EPHB1: variants seen among roughly 807,000 people sequenced by gnomAD.
EPHB1 encodes the protein ephrin type-B receptor 1.
EPHB1 carries 30 observed loss-of-function variants against 94.4 expected under a neutral mutation model. That is an observed-to-expected ratio of 0.32 (90% CI 0.24 to 0.43). The LOEUF (loss-of-function observed/expected upper bound fraction) is 0.43, where lower values mean the gene tolerates loss of function less well. Among genes scored for constraint, EPHB1 ranks in the 20% least tolerant of loss-of-function variants. The pLI is 1.00. For synonymous variants in EPHB1, 522 were observed against 489.1 expected (o/e 1.07, Z -0.89); for missense variants, 1,055 against 1,308.3 (o/e 0.81, Z 2.99).
At chr3:134,826,085 CAAA>C (rs34879749) in intron 1 of EPHB1, among the ~76,000 whole-genome samples, 76 of 110,434 alleles carry the variant, frequency 6.9e-4, no homozygotes, top group African/African-American at 1.4e-3. Context: ...ACTAAAAATA[CAAA>C]AAAAAAAAAA....
intron 1 of EPHB1, among the ~76,000 whole-genome samples, chr3:134,871,214 C>T (rs758149098): frequency 2.0e-5 from 3 of 152,228 alleles, no homozygotes; most frequent in Non-Finnish European, 4.4e-5. Context: ...GTAATGATTA[C>T]AGCTCAGGAC....
intron 1 of EPHB1, among the ~76,000 whole-genome samples, chr3:134,875,897 C>T (rs80183729): frequency 0.012 from 1,868 of 152,278 alleles, 41 homozygotes; most frequent in African/African-American, 0.043. Flanking sequence ...CCTGACATCC[C>T]GTGAGCCAGC....
rs867141562 is a variant in EPHB1 at position 135,084,920 on chromosome 3, G to A, written c.806-21528G>A. On this transcript the variant is annotated intron_variant, in intron 3 of 15. Coordinates refer to ENST00000398015, the MANE Select transcript of EPHB1 (RefSeq NM_004441.5). Reference sequence around the variant, plus strand: ...GTTCACCAATAAACAGCAAAGGTGAGGGAATTACTCTTATTTACCCTCCTT... The same window carrying A: ...GTTCACCAATAAACAGCAAAGGTGAAGGAATTACTCTTATTTACCCTCCTT... Among the ~76,000 whole-genome samples the A allele has an allele frequency of 1.4e-4, 21 of 152,264 alleles. No individual in the cohort carries two copies. In the Middle Eastern group the frequency reaches 0.02, roughly 148 times the overall value.
At position 135,162,194 on chromosome 3, in the gene EPHB1, AG is replaced by A. The variant is rs775580300; in HGVS notation, c.1585+17del. On this transcript the variant is annotated intron_variant, in intron 7 of 15. Coordinates refer to ENST00000398015, the MANE Select transcript of EPHB1 (RefSeq NM_004441.5). ...CTCTGACTGACGGTAAGGGTCGGGGAGGGCAGTGGCATAATCACAGGGCAGG... is the reference window on the plus strand; with the variant it reads ...CTCTGACTGACGGTAAGGGTCGGGGAGGCAGTGGCATAATCACAGGGCAGG... The A allele has an allele frequency of 6.3e-7, 1 of 1,585,644 alleles. No individual in the cohort carries two copies. The highest frequency in any genetic ancestry group is 8.6e-7 in the Non-Finnish European group (1 of 1,162,386).
rs116451679 is a variant in EPHB1, at chr3:135,241,944, C to T, written c.2496+647C>T. ...CCCTGTCTGTGGGGAGGTCAACACTCCCCCAGGATGCCCTCAAGGGAAAAG... is the reference window on the plus strand; with the variant it reads ...CCCTGTCTGTGGGGAGGTCAACACTTCCCCAGGATGCCCTCAAGGGAAAAG... On this transcript the variant is annotated intron_variant, in intron 13 of 15. Transcript: ENST00000398015. Among the ~76,000 whole-genome samples the T allele has an allele frequency of 4.0e-3, 616 of 152,232 alleles. 1 individual carries two copies. The highest frequency in any genetic ancestry group is 0.015 in the African/African-American group (604 of 41,558).
At chr3:135,214,273 C>T (rs1188871284) in intron 12 of EPHB1, among the ~76,000 whole-genome samples, 1 of 152,204 alleles carries the variant, frequency 6.6e-6, no homozygotes, top group Non-Finnish European at 1.5e-5. Context: ...TCAGCTCTTC[C>T]TCACATGCTG....
intron 12 of EPHB1, among the ~76,000 whole-genome samples, chr3:135,233,682 G>A (rs1204114709): frequency 6.6e-6 from 1 of 152,276 alleles, no homozygotes; most frequent in Non-Finnish European, 1.5e-5. Flanking sequence ...CCCTAGCAGA[G>A]GTTCTTCATG....
intron 3 of EPHB1, among the ~76,000 whole-genome samples, chr3:135,063,250 G>T (rs556466276): frequency 6.6e-6 from 1 of 152,232 alleles, no homozygotes; most frequent in African/African-American, 2.4e-5. Flanking sequence ...GATGAGGATT[G>T]TGTTAAATTT....
In EPHB1 at chr3:135,049,562, A is replaced by G. The variant is rs531601474; in HGVS notation, c.806-56886A>G. Among the ~76,000 whole-genome samples, 271 of 152,336 alleles carry G rather than the reference A, an allele frequency of 1.8e-3. 2 individuals are homozygous for G. Among genetic ancestry groups the G allele is most frequent in the African/African-American group, 6.1e-3 (255 of 41,584 alleles). On this transcript the variant is annotated intron_variant, in intron 3 of 15. Coordinates refer to ENST00000398015, the MANE Select transcript of EPHB1 (RefSeq NM_004441.5). ...AAATGGAGCATCCCAAGAGACAGGA[A>G]TTGAATGCCACCAGTTTCTTAAGGC... is the stretch of plus-strand genomic sequence containing the variant.
At chr3:135,257,193 G>A (rs1045502312) in intron 15 of EPHB1, among the ~76,000 whole-genome samples, 33 of 151,704 alleles carry the variant, frequency 2.2e-4, no homozygotes, top group African/African-American at 6.8e-4. Context: ...TAATTTGATC[G>A]TCTGAAGCCT....
chr3:135,251,064 T>C (rs1017476694), intron 15 of EPHB1, among the ~76,000 whole-genome samples: 4 of 151,872 alleles, frequency 2.6e-5, no homozygotes, highest in African/African-American at 4.8e-5. Flanking sequence ...TTTTTTTTTT[T>C]CAGAAATGAT....
At chr3:134,807,610 A>T (rs2036092328) in intron 1 of EPHB1, among the ~76,000 whole-genome samples, 1 of 152,002 alleles carries the variant, frequency 6.6e-6, no homozygotes, top group South Asian at 2.1e-4. Context: ...TATCCAGGGC[A>T]ACAGTGCTGT....
chr3:135,053,435 A>G (rs568502793), intron 3 of EPHB1, among the ~76,000 whole-genome samples: 5 of 152,288 alleles, frequency 3.3e-5, no homozygotes, highest in Middle Eastern at 3.4e-3. Context: ...CCTTTTGGGA[A>G]CTGGTTTAAG....
At chr3:135,112,804 G>T (rs1307655208) in intron 4 of EPHB1, among the ~76,000 whole-genome samples, 2 of 151,932 alleles carry the variant, frequency 1.3e-5, no homozygotes, top group African/African-American at 2.4e-5. Flanking sequence ...GGACATTTGG[G>T]TTGGTTCCAA....
In EPHB1 at chr3:134,876,846, A is replaced by T. The variant is rs137977435; in HGVS notation, c.59-48970A>T. On this transcript the variant is annotated intron_variant, in intron 1 of 15. Coordinates refer to ENST00000398015, the MANE Select transcript of EPHB1 (RefSeq NM_004441.5). ...CTGTCAATCCAGGGCTGGCAAACACATTTGGTTCTAGCAAACCTTCTTTGA... is the reference window on the plus strand; with the variant it reads ...CTGTCAATCCAGGGCTGGCAAACACTTTTGGTTCTAGCAAACCTTCTTTGA... Among the ~76,000 whole-genome samples, 665 of 151,378 alleles carry T rather than the reference A, an allele frequency of 4.4e-3. 5 individuals are homozygous for T. Among genetic ancestry groups the T allele is most frequent in the Middle Eastern group, 0.017 (5 of 294 alleles).
chr3:135,095,888 G>T (rs16842582), intron 3 of EPHB1, among the ~76,000 whole-genome samples: 1,762 of 152,240 alleles, frequency 0.012, 33 homozygotes, highest in African/African-American at 0.04. Context: ...CTTAGATGTC[G>T]CTTTCCCAAG....
intron 3 of EPHB1, among the ~76,000 whole-genome samples, chr3:135,024,025 G>C (rs1484454963): frequency 6.6e-6 from 1 of 152,188 alleles, no homozygotes; most frequent in East Asian, 1.9e-4. Flanking sequence ...GGGCCAAACT[G>C]AAAAGGGGCC....
At chr3:135,078,342 C>A (rs1463389445) in intron 3 of EPHB1, among the ~76,000 whole-genome samples, 3 of 152,336 alleles carry the variant, frequency 2.0e-5, no homozygotes, top group Non-Finnish European at 2.9e-5. Context: ...CTGAGGCTGC[C>A]TGTCTGCTGG....
chr3:135,167,457 A>G lies in EPHB1; in HGVS notation c.1759+451A>G, dbSNP rs189284758. 1.9e-3 allele frequency among the ~76,000 whole-genome samples: 290 copies of G among 152,368 alleles called. 2 individuals are homozygous for G. The highest frequency in any genetic ancestry group is 0.018 in the Admixed American group (268 of 15,310). On this transcript the variant is annotated intron_variant, in intron 9 of 15. Transcript: ENST00000398015. ...GGGAATTAAAAAGATAGCAGAGCCC[A>G]AGAGGCCAAAGTGCTGGGATATCTC...
Sources: gnomAD v4.1 joint callset for allele counts (sites outside exome capture counted in the v4.1 genomes callset) on GRCh38, gnomAD v4.1.1 for gene constraint, MANE v1.5 for transcripts, NCBI Gene and HGNC (gene_info 2026-07-23, HGNC 2026-07-21) for gene names.